Variants in SNW1 observed in about 807,000 individuals in gnomAD.
SNW1 encodes SNW domain containing 1.
A neutral mutation model predicts 75.6 loss-of-function variants in SNW1; 9 were observed. The ratio of observed to expected loss-of-function variants is 0.12; its 90% CI spans 0.07 to 0.21. The LOEUF is 0.21. Among genes scored for constraint, SNW1 ranks in the 10% least tolerant of loss-of-function variants. The pLI, the probability that SNW1 is intolerant of heterozygous loss-of-function variation, is 1.00. For synonymous variants in SNW1, 200 were observed against 219.1 expected (o/e 0.91, Z 0.77); for missense variants, 409 against 670.9 (o/e 0.61, Z 4.31).
At chr14:77,746,964 T>C (rs1401522389) in intron 3 of SNW1, among the ~76,000 whole-genome samples, 1 of 151,476 alleles carries the variant, frequency 6.6e-6, no homozygotes, top group Non-Finnish European at 1.5e-5. Flanking sequence ...CCTCTGATGC[T>C]GAGCCGAGGC....
intron 5 of SNW1, among the ~76,000 whole-genome samples, chr14:77,738,461 T>C (rs1289804027): frequency 6.6e-6 from 1 of 151,810 alleles, no homozygotes; most frequent in African/African-American, 2.4e-5. Context: ...ATTAAAATAT[T>C]AGCCAGGCAT....
intron 1 of SNW1, 123 bp from the exon 2 acceptor site, chr14:77,755,243 T>C: frequency 1.2e-6 from 1 of 823,924 alleles, no homozygotes. Context: ...AAAGAGCAGA[T>C]TTTTCAATGA....
chr14:77,723,348 T>C, intron 10 of SNW1, 71 bp from the exon 11 acceptor site: 68 of 1,155,272 alleles, frequency 5.9e-5, no homozygotes, highest in Non-Finnish European at 7.9e-5. Flanking sequence ...CACGTGTGTA[T>C]ATATATAATT....
intron 10 of SNW1, among the ~76,000 whole-genome samples, chr14:77,728,398 C>G (rs892795855): frequency 2.0e-5 from 3 of 152,094 alleles, no homozygotes; most frequent in Non-Finnish European, 4.4e-5. Flanking sequence ...TTGCAGTCAG[C>G]TGAGATTGCA....
intron 3 of SNW1, among the ~76,000 whole-genome samples, chr14:77,741,072 G>C (rs923123983): frequency 4.0e-5 from 5 of 126,334 alleles, no homozygotes; most frequent in African/African-American, 6.2e-5. Flanking sequence ...ACTCCAGCCT[G>C]AGCAACAAGA....
intron 3 of SNW1, among the ~76,000 whole-genome samples, chr14:77,744,495 A>G (rs1453642945): frequency 6.6e-6 from 1 of 151,632 alleles, no homozygotes; most frequent in Non-Finnish European, 1.5e-5. Context: ...AAGAAAAAAA[A>G]GAGAAAAAAC....
chr14:77,738,303 AC>A (rs2080690300), intron 5 of SNW1, among the ~76,000 whole-genome samples: 1 of 151,912 alleles, frequency 6.6e-6, no homozygotes, highest in South Asian at 2.1e-4. Flanking sequence ...TCTGTCCCCC[AC>A]CCCAAAAAAA....
In SNW1 at chr14:77,717,939, C is replaced by CT; in HGVS notation, c.*148_*149insA. 1.6e-6 allele frequency: 1 copy of CT among 637,974 alleles called. No individual in the cohort carries two copies. The highest frequency in any genetic ancestry group is 2.6e-6 in the Non-Finnish European group (1 of 386,824). The allele number at this position is 637,974 out of a possible 1,614,324, so 39.5% of individuals were successfully genotyped here. A position where few individuals can be genotyped will look rare whatever the true frequency, so the allele number is the denominator to read the frequency against. On this transcript the variant is annotated 3_prime_UTR_variant, in exon 14 of 14. Coordinates refer to ENST00000261531, the MANE Select transcript of SNW1 (RefSeq NM_012245.3). ...AATAATTCAAAGTAGAATTTTCTAT[C>CT]CCCCCCATTTCTCCAGTAATAAAAA... is the stretch of plus-strand genomic sequence containing the variant.
intron 5 of SNW1, 90 bp downstream of exon 5, chr14:77,738,688 G>A (rs2080693304): frequency 2.4e-6 from 2 of 845,652 alleles, no homozygotes; most frequent in Non-Finnish European, 3.9e-6. Context: ...ATTTATAATG[G>A]TTGCTAAGTG....
chr14:77,758,117 G>T (rs1283793458), intron 1 of SNW1, among the ~76,000 whole-genome samples: 1 of 151,944 alleles, frequency 6.6e-6, no homozygotes, highest in Non-Finnish European at 1.5e-5. Flanking sequence ...ATTACTTGAG[G>T]CCAGGAGTTC....
At chr14:77,739,671 A>G (rs1055387780) in intron 3 of SNW1, among the ~76,000 whole-genome samples, 9 of 152,098 alleles carry the variant, frequency 5.9e-5, no homozygotes, top group Admixed American at 1.3e-4. Context: ...TATATCCATT[A>G]TCCAAATTGA....
At chr14:77,759,055 T>C (rs1354688046) in intron 1 of SNW1, among the ~76,000 whole-genome samples, 6 of 152,238 alleles carry the variant, frequency 3.9e-5, no homozygotes, top group Admixed American at 3.9e-4. Flanking sequence ...ACTAATTTGC[T>C]AGGGCAGCTC....
At chr14:77,718,777 T>C (rs2080512446) in intron 12 of SNW1, among the ~76,000 whole-genome samples, 1 of 151,854 alleles carries the variant, frequency 6.6e-6, no homozygotes, top group Non-Finnish European at 1.5e-5. Context: ...AGTGGTGTGA[T>C]CTTGGCTCAC....
intron 3 of SNW1, among the ~76,000 whole-genome samples, chr14:77,745,956 C>G (rs975602934): frequency 6.7e-6 from 1 of 149,908 alleles, no homozygotes; most frequent in Middle Eastern, 3.6e-3. Context: ...CTCAGGAGTT[C>G]AAGGCTGCAG....
chr14:77,719,417 C>G (rs1027677084), intron 12 of SNW1, among the ~76,000 whole-genome samples: 1 of 152,088 alleles, frequency 6.6e-6, no homozygotes, highest in Non-Finnish European at 1.5e-5. Context: ...GCAGGAGGAT[C>G]ACGAGGTCAG....
intron 8 of SNW1, chr14:77,733,953 A>G (rs1235155120): frequency 8.9e-6 from 4 of 447,084 alleles, no homozygotes; most frequent in Admixed American, 4.9e-5. Context: ...GTCTCATAAT[A>G]AAATGAAGCA....
chr14:77,746,698 A>C (rs1275322221), intron 3 of SNW1, among the ~76,000 whole-genome samples: 2 of 151,970 alleles, frequency 1.3e-5, no homozygotes, highest in Admixed American at 1.3e-4. Flanking sequence ...TAGATTAATA[A>C]AAAAAAATGA....
Position 77,731,053 on chromosome 14 carries a change from T to C in SNW1, c.968A>G (p.Lys323Arg). ...AQKEKEKHEEKLREMAQKARE... is the reference protein window; with the variant it reads ...AQKEKEKHEERLREMAQKARE... ...GGCTTTCTGGGCCATTTCTCTAAGT[T>C]TCTCTTCATGTTTTTCCTTTTCTTT... Residue 323 changes from lysine to arginine, a missense_variant, in exon 10 of 14, where the codon AAA becomes AGA. By Grantham distance (26) the Lys-to-Arg change is conservative. Around this residue, in one of 9 missense-constraint regions of SNW1, gnomAD observed 37 missense variants for 110.0 expected, o/e 0.34. Transcript: ENST00000261531. 1 of 1,614,088 alleles carries C rather than the reference T, an allele frequency of 6.2e-7. No homozygotes were observed.
chr14:77,730,601 A>C (rs1181973008), intron 10 of SNW1, among the ~76,000 whole-genome samples: 1 of 152,210 alleles, frequency 6.6e-6, no homozygotes, highest in Non-Finnish European at 1.5e-5. Context: ...AATGCATTGG[A>C]GCCTACAAGA....
Sources: gnomAD v4.1 joint callset for allele counts (sites outside exome capture counted in the v4.1 genomes callset) on GRCh38, gnomAD v4.1.1 for gene constraint, gnomAD v4.1.1 regional missense constraint, MANE v1.5 for transcripts, NCBI Gene and HGNC (gene_info 2026-07-23, HGNC 2026-07-21) for gene names.